LRRC37A2: variants seen among roughly 807,000 people sequenced by gnomAD.
LRRC37A2 encodes the protein leucine-rich repeat-containing protein 37A2.
A neutral mutation model predicts 68.8 loss-of-function variants in LRRC37A2; 9 were observed. The ratio of observed to expected loss-of-function variants is 0.13; its 90% CI spans 0.08 to 0.23. The LOEUF (loss-of-function observed/expected upper bound fraction) is 0.23. LRRC37A2 is among the 10% of genes least tolerant of loss of function. The pLI is 1.00. For missense variants in LRRC37A2, 168 were observed against 950.4 expected, an observed-to-expected ratio of 0.18 and a Z score of 10.82; for synonymous variants, 63 against 367.6, an observed-to-expected ratio of 0.17 and a Z score of 9.48.
chr17:46,875,464 A>T, the LRRC37A2 span: 93 of 1,408,654 alleles, frequency 6.6e-5, no homozygotes, highest in Non-Finnish European at 8.3e-5. Context: ...CCCAAAATAC[A>T]TGAAGAGCCG....
the LRRC37A2 span, chr17:47,018,746 C>G: frequency 1.3e-6 from 2 of 1,520,920 alleles, no homozygotes; most frequent in Non-Finnish European, 9.1e-7. Context: ...ATCAGGAGGC[C>G]CCAGCTCAGA....
the LRRC37A2 span, among the ~76,000 whole-genome samples, chr17:46,758,870 T>C: frequency 6.6e-6 from 1 of 152,140 alleles, no homozygotes; most frequent in African/African-American, 2.4e-5. Flanking sequence ...CAGGATTTCA[T>C]TTTCCTTGCC....
chr17:46,869,189 G>A, the LRRC37A2 span, among the ~76,000 whole-genome samples: 9 of 152,210 alleles, frequency 5.9e-5, no homozygotes, highest in South Asian at 1.0e-3. Context: ...GTCATTAATC[G>A]CTACTAAGTG....
the LRRC37A2 span, among the ~76,000 whole-genome samples, chr17:46,896,452 A>AAGAAAAAGAAAGAAAG: frequency 1.2e-3 from 82 of 65,832 alleles, no homozygotes; most frequent in African/African-American, 3.0e-3. Flanking sequence ...GAAAGAAAGA[A>AAGAAAAAGAAAGAAAG]AAAGAAAGAA....
At chr17:46,990,617 T>G in the LRRC37A2 span, among the ~76,000 whole-genome samples, 1 of 152,148 alleles carries the variant, frequency 6.6e-6, no homozygotes, top group African/African-American at 2.4e-5. Context: ...ATTTGAGTAT[T>G]AGAAACACGT....
Position 46,525,626 on chromosome 17 carries a change from C to A in LRRC37A2, c.2906+1742C>A, listed in dbSNP as rs1221398543. Among the ~76,000 whole-genome samples, 112 of 120,966 alleles carry A rather than the reference C, an allele frequency of 9.3e-4. 2 individuals carry two copies. The highest frequency in any genetic ancestry group is 2.1e-3 in the African/African-American group (74 of 34,684). The allele number at this position is 120,966 out of a possible 152,430, so 79.4% of individuals were successfully genotyped here. A position where few individuals can be genotyped will look rare whatever the true frequency, so the allele number is the denominator to read the frequency against. On this transcript the variant is annotated intron_variant, in intron 6 of 14. Coordinates refer to ENST00000576629, the Ensembl canonical transcript of LRRC37A2. ...ATATAATAATAATAATCATCATCAT[C>A]ATCATCATCATCATCATCATCTAGC...
At chr17:46,383,339 A>G in the LRRC37A2 span, among the ~76,000 whole-genome samples, 1 of 137,544 alleles carries the variant, frequency 7.3e-6, no homozygotes. Context: ...GTGTGTCTCC[A>G]TGCATATATG....
chr17:46,911,948 T>G, the LRRC37A2 span, among the ~76,000 whole-genome samples: 1 of 152,108 alleles, frequency 6.6e-6, no homozygotes, highest in Admixed American at 6.5e-5. Context: ...AAGGAATGAA[T>G]GAGATCATTA....
the LRRC37A2 span, chr17:46,979,264 C>A: frequency 3.0e-6 from 1 of 332,888 alleles, no homozygotes; most frequent in Non-Finnish European, 5.7e-6. Flanking sequence ...GCTTAGCGGT[C>A]GCCCGCTGGG....
the LRRC37A2 span, among the ~76,000 whole-genome samples, chr17:46,743,367 T>G: frequency 6.6e-6 from 1 of 152,206 alleles, no homozygotes; most frequent in African/African-American, 2.4e-5. Flanking sequence ...GATGCTTGCT[T>G]CTTTTCCTTC....
the LRRC37A2 span, among the ~76,000 whole-genome samples, chr17:46,760,633 CAAA>C: frequency 2.1e-4 from 13 of 61,232 alleles, no homozygotes; most frequent in Non-Finnish European, 4.0e-4. Flanking sequence ...GACCCTATCT[CAAA>C]AAAAAAAAAA....
the LRRC37A2 span, among the ~76,000 whole-genome samples, chr17:47,026,963 T>C: frequency 1.3e-5 from 2 of 152,146 alleles, no homozygotes; most frequent in South Asian, 2.1e-4. Context: ...CAGGCTGGAG[T>C]GCAGTGGTGC....
intron 6 of LRRC37A2, among the ~76,000 whole-genome samples, chr17:46,532,811 T>C (rs1404076088): frequency 6.7e-6 from 1 of 149,482 alleles, no homozygotes; most frequent in Non-Finnish European, 1.5e-5. Flanking sequence ...AATTTGGTCT[T>C]CTGTATTTTT....
chr17:46,489,486 T>C, the LRRC37A2 span, among the ~76,000 whole-genome samples: 1 of 145,802 alleles, frequency 6.9e-6, no homozygotes, highest in East Asian at 2.0e-4. Context: ...TGTTTGTTTG[T>C]TTGTTTGTTT....
At chr17:46,495,565 A>C in the LRRC37A2 span, among the ~76,000 whole-genome samples, 7 of 149,394 alleles carry the variant, frequency 4.7e-5, no homozygotes, top group Non-Finnish European at 7.4e-5. Flanking sequence ...TTGTATTTTT[A>C]GTAGAGATGA....
chr17:46,941,414 C>T, the LRRC37A2 span: 2 of 983,744 alleles, frequency 2.0e-6, no homozygotes, highest in South Asian at 4.7e-5. Flanking sequence ...TAATGGCCCC[C>T]TTTTTTTATG....
chr17:46,934,860 A>C, the LRRC37A2 span, among the ~76,000 whole-genome samples: 2 of 152,254 alleles, frequency 1.3e-5, no homozygotes, highest in African/African-American at 4.8e-5. Flanking sequence ...GTGTGGACAG[A>C]GGCCACCCCA....
the LRRC37A2 span, among the ~76,000 whole-genome samples, chr17:46,723,426 C>T: frequency 1.2e-4 from 19 of 152,262 alleles, no homozygotes; most frequent in African/African-American, 4.1e-4. Context: ...AGCAAAGAAC[C>T]GCTGTAGAAC....
chr17:46,757,950 C>T, the LRRC37A2 span, among the ~76,000 whole-genome samples: 5 of 151,678 alleles, frequency 3.3e-5, no homozygotes, highest in Admixed American at 2.0e-4. Context: ...GCCAGGATCA[C>T]GCCACTTGCA....
Sources: allele counts gnomAD v4.1 joint callset (sites outside exome capture counted in the v4.1 genomes callset), GRCh38; gene constraint gnomAD v4.1.1; transcripts MANE v1.5; gene names NCBI Gene and HGNC (gene_info 2026-07-23, HGNC 2026-07-21).